The following WDCP variants were observed in gnomAD, a reference collection of about 807,000 sequenced individuals.
WDCP encodes the protein WD repeat and coiled coil containing, also known as WD repeat and coiled-coil-containing protein.
In WDCP, 19 loss-of-function variants were observed where a neutral mutation model predicts 41.6. That is an observed-to-expected ratio of 0.46 (90% confidence interval 0.32 to 0.67). The LOEUF is 0.67. Among genes scored for constraint, WDCP ranks in the 30% least tolerant of loss-of-function variants. WDCP has a pLI of 0.04. For synonymous variants in WDCP, 302 were observed against 320.8 expected (o/e 0.94, Z 0.63); for missense variants, 802 against 850.7 (o/e 0.94, Z 0.71).
At position 24,039,623 on chromosome 2, in the gene WDCP, A is replaced by G. The variant is rs141060105; in HGVS notation, c.-18-111T>C. 1.5e-5 allele frequency: 13 copies of G among 883,564 alleles called. No homozygotes were observed. In the East Asian group the frequency reaches 3.4e-4, roughly 23 times the overall value. The allele number at this position is 883,564 out of a possible 1,614,324, so 54.7% of individuals were successfully genotyped here. A position where few individuals can be genotyped will look rare whatever the true frequency, so the allele number is the denominator to read the frequency against. Reference sequence around the variant, plus strand: ...CCCTTCCCAGGTTAATAATGTGGAGAGACAAAAGGACAGGGGGAGTATTAT... The same window carrying G: ...CCCTTCCCAGGTTAATAATGTGGAGGGACAAAAGGACAGGGGGAGTATTAT... On this transcript the variant is annotated intron_variant, in intron 1 of 3. Transcript: ENST00000295148.
intron 2 of WDCP, among the ~76,000 whole-genome samples, chr2:24,034,574 CTTTTT>C (rs70944707): frequency 7.2e-6 from 1 of 138,064 alleles, no homozygotes; most frequent in Admixed American, 7.4e-5. Context: ...GGCAACAAAA[CTTTTT>C]TTTTTTTTTT....
At position 24,037,872 on chromosome 2, in the gene WDCP, A is replaced by G; in HGVS notation, c.1623T>C (p.Arg541=). The change falls in exon 2 of 4, where the codon CGT becomes CGC. Residue 541 remains arginine, a synonymous_variant. Transcript: ENST00000295148. ...TTTGTAAGTTCTTTCTTTGAGGCAAACGAGGAGGCTCCAGTGTGCTGGTGT... is the reference window on the plus strand; with the variant it reads ...TTTGTAAGTTCTTTCTTTGAGGCAAGCGAGGAGGCTCCAGTGTGCTGGTGT... ...PDHTSTLEPP[R]LPQRKNLQSE... The G allele has an allele frequency of 6.2e-7, 1 of 1,614,134 alleles. No individual in the cohort carries two copies.
intron 1 of WDCP, among the ~76,000 whole-genome samples, chr2:24,045,631 G>GGAAGGAAGGAAGGA (rs367897717): frequency 1.7e-3 from 183 of 106,044 alleles, no homozygotes; most frequent in African/African-American, 8.1e-3. Context: ...GAGAGAGAGA[G>GGAAGGAAGGAAGGA]AGGAAGGAAG....
intron 1 of WDCP, among the ~76,000 whole-genome samples, chr2:24,040,182 A>C (rs1663384645): frequency 1.3e-5 from 2 of 152,180 alleles, no homozygotes; most frequent in Admixed American, 6.5e-5. Context: ...AAGCATGTTG[A>C]AGCACTTGGG....
At position 24,029,360 on chromosome 2, in the gene WDCP, T is replaced by C. The variant is rs1285672384; in HGVS notation, c.*1573A>G. On this transcript the variant is annotated 3_prime_UTR_variant, in exon 4 of 4. Coordinates refer to ENST00000295148, the MANE Select transcript of WDCP (RefSeq NM_025203.3). ...AAACAGCCACAATAACCATTAGTGA[T>C]TTTATTGAAGACTTATTCACAGTAT... The C allele has an allele frequency of 6.6e-6, 1 of 152,224 alleles. No individual in the cohort carries two copies. 9.4% of individuals were successfully genotyped at this position (152,224 alleles called of 1,614,324 possible).
Position 24,043,981 on chromosome 2 carries a change from T to C in WDCP, c.-19+3333A>G, listed in dbSNP as rs543984200. Among the ~76,000 whole-genome samples the C allele has an allele frequency of 7.2e-5, 11 of 152,310 alleles. No individual in the cohort carries two copies. In the East Asian group the frequency reaches 2.1e-3, roughly 29 times the overall value. On this transcript the variant is annotated intron_variant, in intron 1 of 3. Transcript: ENST00000295148. ...TAAACGGAGAAAAAAGTCCAGTCAT[T>C]ACTAATGAAGAAAACTGTGATCTCT...
At chr2:24,031,247 T>C in intron 3 of WDCP, 85 bp from the exon 4 acceptor site, 10 of 882,012 alleles carry the variant, frequency 1.1e-5, no homozygotes, top group Non-Finnish European at 1.8e-5. Context: ...TTTTTCTGAG[T>C]GAAGGAATAT....
At chr2:24,033,208 A>C (rs762921489) in intron 2 of WDCP, 1 of 556,202 alleles carries the variant, frequency 1.8e-6, no homozygotes, top group Non-Finnish European at 3.5e-6. Flanking sequence ...GAATACAACT[A>C]ATAACACTAA....
In WDCP at chr2:24,030,963, G is replaced by C; in HGVS notation, c.2136C>G (p.Gly712=). The change falls in exon 4 of 4, where the codon GGC becomes GGG. Residue 712 remains glycine (G), a synonymous_variant. Transcript: ENST00000295148. ...GLAAPSLDTT[G]CCNHVDGMA ...CCATGCCATCTACATGGTTACAACA[G>C]CCAGTGGTATCTAAACTGGGGGCAG... The C allele has an allele frequency of 6.2e-7, 1 of 1,614,118 alleles. No homozygotes were observed. Among genetic ancestry groups the C allele is most frequent in the Non-Finnish European group, 8.5e-7 (1 of 1,179,934 alleles).
chr2:24,038,716 A>G lies in WDCP; in HGVS notation c.779T>C (p.Met260Thr). 6.2e-7 allele frequency: 1 copy of G among 1,614,212 alleles called. No homozygotes were observed. Among genetic ancestry groups the G allele is most frequent in the Non-Finnish European group, 8.5e-7 (1 of 1,180,014 alleles). ...TTCAGAATCAGTTGCCTCTTTATCC[A>G]TAGAGCGTACTTCACCAATAACTGG... ...ALPVIGEVRS[M>T]DKEATDSETN... The change falls in exon 2 of 4, where the codon ATG (methionine) becomes ACG (threonine). Residue 260 changes from methionine to threonine, a missense_variant. Coordinates refer to ENST00000295148, the MANE Select transcript of WDCP (RefSeq NM_025203.3).
chr2:24,031,105 G>A lies in WDCP; in HGVS notation c.1994C>T (p.Thr665Ile). Residue 665 changes from threonine (T) to isoleucine (I), a missense_variant, in exon 4 of 4, where the codon ACA becomes ATA. Around this residue, in one of 5 missense-constraint regions of WDCP, gnomAD observed 321 missense variants for 305.1 expected, o/e 1.05. Transcript: ENST00000295148. ...DSEGFIPLTF[T>I]ATQEIIIRDG... ...TCTTATGATTATTTCCTGTGTGGCT[G>A]TGAAGGTTAACGGGATAAAGCCCTC... is the stretch of plus-strand genomic sequence containing the variant. 4 of 1,614,216 alleles carry A rather than the reference G, an allele frequency of 2.5e-6. No individual in the cohort carries two copies. Among genetic ancestry groups the A allele is most frequent in the South Asian group, 1.1e-5 (1 of 91,086 alleles).
chr2:24,030,878 G>A lies in WDCP; in HGVS notation c.*55C>T. ...TTGGCGAGTGTCCAGTGTCAAGCAGGCCTTGTTTGTAATGGTCTCATCTGA... is the reference window on the plus strand; with the variant it reads ...TTGGCGAGTGTCCAGTGTCAAGCAGACCTTGTTTGTAATGGTCTCATCTGA... On this transcript the variant is annotated 3_prime_UTR_variant, in exon 4 of 4. Coordinates refer to ENST00000295148, the MANE Select transcript of WDCP (RefSeq NM_025203.3). 7.3e-7 allele frequency: 1 copy of A among 1,361,290 alleles called. No homozygotes were observed. Among genetic ancestry groups the A allele is most frequent in the Non-Finnish European group, 1.0e-6 (1 of 961,110 alleles). The allele number at this position is 1,361,290 out of a possible 1,614,324, so 84.3% of individuals were successfully genotyped here. A position where few individuals can be genotyped will look rare whatever the true frequency, so the allele number is the denominator to read the frequency against.
chr2:24,038,617 T>G lies in WDCP; in HGVS notation c.878A>C (p.His293Pro), dbSNP rs747118797. The G allele has an allele frequency of 1.2e-5, 20 of 1,614,052 alleles. No homozygotes were observed. The Admixed American group carries it at 2.0e-4, about 16-fold the overall frequency. Residue 293 changes from histidine to proline, a missense_variant, in exon 2 of 4, where the codon CAT (histidine) becomes CCT (proline). By Grantham distance (77) the His-to-Pro change is moderately conservative (BLOSUM62 -2). Coordinates refer to ENST00000295148, the MANE Select transcript of WDCP (RefSeq NM_025203.3). ...AATAAGAGAATTACCCTCAGACTTA[T>G]GTTGATTGAAATGTATGTGAGTTAG... is the stretch of plus-strand genomic sequence containing the variant. Reference protein sequence around the residue: ...LDLTHIHFNQHKSEGNSLICL... With the variant: ...LDLTHIHFNQPKSEGNSLICL...
At chr2:24,034,950 ATAT>A in intron 2 of WDCP, among the ~76,000 whole-genome samples, 1 of 151,858 alleles carries the variant, frequency 6.6e-6, no homozygotes, top group Non-Finnish European at 1.5e-5. Flanking sequence ...ACAGAAAGAT[ATAT>A]TATTGTTTGC....
At chr2:24,034,469 G>T (rs1663181605) in intron 2 of WDCP, among the ~76,000 whole-genome samples, 1 of 151,694 alleles carries the variant, frequency 6.6e-6, no homozygotes, top group Non-Finnish European at 1.5e-5. Flanking sequence ...AATGCAGACA[G>T]TAAAGCCCCC....
chr2:24,034,691 A>T (rs1323664389), intron 2 of WDCP, among the ~76,000 whole-genome samples: 3 of 151,186 alleles, frequency 2.0e-5, no homozygotes, highest in Non-Finnish European at 4.4e-5. Flanking sequence ...CTCACACCTC[A>T]GCCTCCCAAG....
chr2:24,039,600 C>T lies in WDCP; in HGVS notation c.-18-88G>A, dbSNP rs1480136618. 5.9e-6 allele frequency: 7 copies of T among 1,180,358 alleles called. No homozygotes were observed. In the Admixed American group the frequency reaches 1.5e-4, roughly 25 times the overall value. The allele number at this position is 1,180,358 out of a possible 1,614,324, so 73.1% of individuals were successfully genotyped here. A position where few individuals can be genotyped will look rare whatever the true frequency, so the allele number is the denominator to read the frequency against. On this transcript the variant is annotated intron_variant, in intron 1 of 3. Coordinates refer to ENST00000295148, the MANE Select transcript of WDCP (RefSeq NM_025203.3). ...ATTTGGTAAGACAACGGCTTAGCCCCTTCCCAGGTTAATAATGTGGAGAGA... is the reference window on the plus strand; with the variant it reads ...ATTTGGTAAGACAACGGCTTAGCCCTTTCCCAGGTTAATAATGTGGAGAGA...
intron 2 of WDCP, among the ~76,000 whole-genome samples, chr2:24,034,236 C>T (rs1663175679): frequency 6.6e-6 from 1 of 152,094 alleles, no homozygotes; most frequent in African/African-American, 2.4e-5. Flanking sequence ...GCCTGGCCAA[C>T]ATGGTGAAAC....
chr2:24,039,192 C>T lies in WDCP; in HGVS notation c.303G>A (p.Leu101=). 1 of 1,614,240 alleles carries T rather than the reference C, an allele frequency of 6.2e-7. No homozygotes were observed. Among genetic ancestry groups the T allele is most frequent in the Non-Finnish European group, 8.5e-7 (1 of 1,180,030 alleles). ...CPSPMESSKW[L]TSQTCEIRGS... is the part of the protein sequence containing the mutation. ...CTCTAATCTCACAAGTCTGAGACGT[C>T]AGCCATTTGCTTGACTCCATAGGGC... The change falls in exon 2 of 4, where the codon CTG becomes CTA. Residue 101 remains leucine, a synonymous_variant. Transcript: ENST00000295148.
Sources: allele counts gnomAD v4.1 joint callset (sites outside exome capture counted in the v4.1 genomes callset), GRCh38; gene constraint gnomAD v4.1.1; regional missense constraint gnomAD v4.1.1; transcripts MANE v1.5; gene names NCBI Gene and HGNC (gene_info 2026-07-23, HGNC 2026-07-21).